The following ARHGEF17 variants were observed in gnomAD, a reference collection of about 807,000 sequenced individuals.
ARHGEF17 encodes the protein 164 kDa Rho-specific guanine-nucleotide exchange factor.
ARHGEF17 carries 80 observed loss-of-function variants against 174.0 expected under a neutral mutation model. That is an observed-to-expected ratio of 0.46 (90% CI 0.38 to 0.55). The LOEUF is 0.55. ARHGEF17 is among the 20% of genes least tolerant of loss of function. ARHGEF17 has a pLI of 0.00. For synonymous variants in ARHGEF17, 1,311 were observed against 1,189.1 expected (o/e 1.10, Z -2.11); for missense variants, 2,886 against 2,839.7 (o/e 1.02, Z -0.37).
At chr11:73,359,378 A>G (rs1265233978) in intron 9 of ARHGEF17, among the ~76,000 whole-genome samples, 2 of 152,190 alleles carry the variant, frequency 1.3e-5, no homozygotes, top group Non-Finnish European at 2.9e-5. Flanking sequence ...CAGGTATGGG[A>G]TAGGACCATA....
chr11:73,364,184 C>A lies in ARHGEF17; in HGVS notation c.5346C>A (p.Asn1782Lys), dbSNP rs1565210886. The A allele has an allele frequency of 1.2e-6, 2 of 1,614,134 alleles. No individual in the cohort carries two copies. Among genetic ancestry groups the A allele is most frequent in the East Asian group, 2.2e-5 (1 of 44,884 alleles). ...TTTCCCTACCCAGGTATCTGAATAA[C>A]CAGGTGTTTGTGTCTCTGGCCAATG... ...ASVTCILYLN[N>K]QVFVSLANGE... is the part of the protein sequence containing the mutation. Residue 1782 changes from asparagine to lysine, a missense_variant, in exon 17 of 21, where the codon AAC becomes AAA. Physicochemically the swap from Asn to Lys is moderately conservative, Grantham distance 94 (BLOSUM62 0). Around this residue, in one of 4 missense-constraint regions of ARHGEF17, gnomAD observed 329 missense variants for 435.2 expected, o/e 0.76. Transcript: ENST00000263674.
At chr11:73,361,795 A>C (rs1191789930) in intron 12 of ARHGEF17, among the ~76,000 whole-genome samples, 1 of 151,546 alleles carries the variant, frequency 6.6e-6, no homozygotes, top group Non-Finnish European at 1.5e-5. Flanking sequence ...TCAAAGCTGC[A>C]GTGAGCCATG....
intron 5 of ARHGEF17, 80 bp downstream of exon 5, chr11:73,356,033 G>A (rs529735849): frequency 3.6e-5 from 58 of 1,590,676 alleles, no homozygotes; most frequent in South Asian, 2.9e-4. Context: ...CCCCTGCCTC[G>A]TTGAGCCTGA....
intron 1 of ARHGEF17, among the ~76,000 whole-genome samples, chr11:73,332,408 T>TGTGTGTGTG (rs58402884): frequency 3.0e-5 from 2 of 67,760 alleles, no homozygotes; most frequent in African/African-American, 6.6e-5. Flanking sequence ...TGTGTGTGTG[T>TGTGTGTGTG]ATTTTAAATA....
intron 1 of ARHGEF17, among the ~76,000 whole-genome samples, chr11:73,337,047 A>G (rs1865296895): frequency 6.6e-6 from 1 of 152,224 alleles, no homozygotes; most frequent in South Asian, 2.1e-4. Flanking sequence ...TCTGTGGTCA[A>G]GGCAGTCACA....
At position 73,309,872 on chromosome 11, in the gene ARHGEF17, G is replaced by A; in HGVS notation, c.1234G>A (p.Gly412Ser). Residue 412 changes from glycine (G) to serine (S), a missense_variant, in exon 1 of 21, where the codon GGC (glycine) becomes AGC (serine). Coordinates refer to ENST00000263674, the MANE Select transcript of ARHGEF17 (RefSeq NM_014786.4). The part of the protein sequence containing the change: ...DDLWSSRGSG[G>S]WGVYRSPSFG... ...CCTATGGTCTAGTAGGGGTTCTGGG[G>A]GCTGGGGCGTGTACCGCTCCCCTAG... The A allele has an allele frequency of 6.2e-7, 1 of 1,613,274 alleles. No homozygotes were observed.
At chr11:73,362,786 C>T (rs757530259) in intron 14 of ARHGEF17, 52 bp downstream of exon 14, 2 of 1,561,962 alleles carry the variant, frequency 1.3e-6, no homozygotes, top group South Asian at 2.3e-5. Flanking sequence ...GGGTGGACTG[C>T]CCAGAGGAGG....
In ARHGEF17 at chr11:73,346,912, G is replaced by T. The variant is rs1240236938; in HGVS notation, c.3222G>T (p.Leu1074=). The change falls in exon 2 of 21, where the codon CTG becomes CTT. Residue 1074 remains leucine (L), a synonymous_variant. Coordinates refer to ENST00000263674, the MANE Select transcript of ARHGEF17 (RefSeq NM_014786.4). ...VDMRKHVAMT[L]LDTEQSYVES... is the part of the protein sequence containing the mutation. ...TGCGGAAGCACGTGGCCATGACCCT[G>T]CTGGACACAGAGCAGTCGTATGTGG... The T allele has an allele frequency of 6.5e-7, 1 of 1,534,252 alleles. No individual in the cohort carries two copies. The highest frequency in any genetic ancestry group is 8.8e-7 in the Non-Finnish European group (1 of 1,133,492).
intron 1 of ARHGEF17, among the ~76,000 whole-genome samples, chr11:73,340,114 A>T (rs1865347026): frequency 2.0e-5 from 3 of 152,128 alleles, no homozygotes; most frequent in Admixed American, 6.5e-5. Flanking sequence ...AAGGGCTCTG[A>T]TGCCTGTGCT....
rs1159554006 is a variant in ARHGEF17, at chr11:73,311,356, C to T, written c.2718C>T (p.Asp906=). Residue 906 remains aspartate (D), a synonymous_variant, in exon 1 of 21, where the codon GAC becomes GAT. Transcript: ENST00000263674. ...CTGCCCACCGAAACTTTCACCTTGA[C>T]CCCAAGCTGGCTGACATTCTGTCCC... is the stretch of plus-strand genomic sequence containing the variant. The part of the protein sequence containing the change: ...PATAHRNFHL[D]PKLADILSPR... 1 of 1,613,244 alleles carries T rather than the reference C, an allele frequency of 6.2e-7. No homozygotes were observed. Among genetic ancestry groups the T allele is most frequent in the African/African-American group, 1.3e-5 (1 of 74,948 alleles).
At chr11:73,353,398 C>G in intron 3 of ARHGEF17, 1 of 247,900 alleles carries the variant, frequency 4.0e-6, no homozygotes, top group South Asian at 6.9e-5. Context: ...ACCAAAATAA[C>G]TGCCCTGGTC....
rs1308627825 is a variant in ARHGEF17, at chr11:73,362,047, G to C, written c.4502G>C (p.Cys1501Ser). The change falls in exon 13 of 21, where the codon TGT becomes TCT. Residue 1501 changes from cysteine (C) to serine (S), a missense_variant. Coordinates refer to ENST00000263674, the MANE Select transcript of ARHGEF17 (RefSeq NM_014786.4). The part of the protein sequence containing the change: ...MKTRSGMQFS[C>S]AAPTLNSCPE... ...CATTGGCGCCTCCTGCAGTTCTCCT[G>C]TGCGGCTCCCACCCTGAACAGCTGC... The C allele has an allele frequency of 6.2e-7, 1 of 1,612,210 alleles. No individual in the cohort carries two copies. Among genetic ancestry groups the C allele is most frequent in the Non-Finnish European group, 8.5e-7 (1 of 1,179,454 alleles).
intron 1 of ARHGEF17, among the ~76,000 whole-genome samples, chr11:73,327,408 T>G (rs1865119477): frequency 6.6e-6 from 1 of 151,872 alleles, no homozygotes; most frequent in Non-Finnish European, 1.5e-5. Context: ...TTCCCCAGAG[T>G]TTGTAGTGTG....
At position 73,310,177 on chromosome 11, in the gene ARHGEF17, T is replaced by G. The variant is rs762511608; in HGVS notation, c.1539T>G (p.Pro513=). 2.5e-6 allele frequency: 4 copies of G among 1,613,900 alleles called. No individual in the cohort carries two copies. The highest frequency in any genetic ancestry group is 3.4e-6 in the Non-Finnish European group (4 of 1,179,980). The change falls in exon 1 of 21, where the codon CCT becomes CCG. Residue 513 remains proline, a synonymous_variant. Transcript: ENST00000263674. ...GAGACTCACCATCCGCAGGTGGCCC[T>G]GTGGGGCAACTTGAACCCATACCCA... ...DGRDSPSAGG[P]VGQLEPIPIP... is the part of the protein sequence containing the mutation.
At chr11:73,314,060 C>T (rs551922267) in intron 1 of ARHGEF17, among the ~76,000 whole-genome samples, 3 of 152,348 alleles carry the variant, frequency 2.0e-5, no homozygotes, top group Admixed American at 2.0e-4. Flanking sequence ...CCCACACCCT[C>T]ATAAAGCCTG....
Position 73,313,551 on chromosome 11 carries a change from C to T in ARHGEF17, c.3192+1721C>T, listed in dbSNP as rs888410663. On this transcript the variant is annotated intron_variant, in intron 1 of 20. Transcript: ENST00000263674. ...CCTGCCCCACCTCCCTTCACATTCT[C>T]CTCTACCCCCCACCCCTTTCTGGAG... Among the ~76,000 whole-genome samples, 5 of 152,322 alleles carry T rather than the reference C, an allele frequency of 3.3e-5. No homozygotes were observed. The South Asian group carries it at 6.2e-4, about 19-fold the overall frequency.
rs1373163761 is a variant in ARHGEF17, at chr11:73,356,348, G to A, written c.3837G>A (p.Glu1279=). The A allele has an allele frequency of 1.9e-6, 3 of 1,608,478 alleles. No homozygotes were observed. The highest frequency in any genetic ancestry group is 2.7e-5 in the African/African-American group (2 of 74,880). ...TAGAGGCTCACATCGAGGGCATGGAGGATGTGCGTGCGCCCTGCCCCACCC... is the reference window on the plus strand; with the variant it reads ...TAGAGGCTCACATCGAGGGCATGGAAGATGTGCGTGCGCCCTGCCCCACCC... ...QEIEAHIEGM[E]DLQAPLRRFL... Residue 1279 remains glutamate (E), a synonymous_variant, in exon 6 of 21, where the codon GAG becomes GAA. Coordinates refer to ENST00000263674, the MANE Select transcript of ARHGEF17 (RefSeq NM_014786.4).
At chr11:73,357,858 T>C (rs1865672011) in intron 9 of ARHGEF17, among the ~76,000 whole-genome samples, 1 of 152,212 alleles carries the variant, frequency 6.6e-6, no homozygotes, top group East Asian at 1.9e-4. Context: ...TCACTGCTGT[T>C]AGCTTTCCCT....
rs1864802676 is a variant in ARHGEF17, at chr11:73,310,474, A to G, written c.1836A>G (p.Gly612=). The change falls in exon 1 of 21, where the codon GGA becomes GGG. Residue 612 remains glycine (G), a synonymous_variant. Transcript: ENST00000263674. ...GCATGGGTGCCCAACAAGATGATGGAAGCGATGCCCCCCCTGGAAGCCCTG... is the reference window on the plus strand; with the variant it reads ...GCATGGGTGCCCAACAAGATGATGGGAGCGATGCCCCCCCTGGAAGCCCTG... The part of the protein sequence containing the change: ...IQRMGAQQDD[G]SDAPPGSPDW... The G allele has an allele frequency of 6.2e-7, 1 of 1,613,870 alleles. No homozygotes were observed. The highest frequency in any genetic ancestry group is 8.5e-7 in the Non-Finnish European group (1 of 1,180,032).
Sources: gnomAD v4.1 joint callset for allele counts (sites outside exome capture counted in the v4.1 genomes callset) on GRCh38, gnomAD v4.1.1 for gene constraint, gnomAD v4.1.1 regional missense constraint, MANE v1.5 for transcripts, NCBI Gene and HGNC (gene_info 2026-07-23, HGNC 2026-07-21) for gene names.